Variants in PDE4B observed in about 807,000 individuals in gnomAD.
PDE4B encodes phosphodiesterase 4B, also known as 3',5'-cyclic-AMP phosphodiesterase 4B.
PDE4B carries 20 observed loss-of-function variants against 82.2 expected under a neutral mutation model. The ratio of observed to expected loss-of-function variants is 0.24; its 90% confidence interval spans 0.17 to 0.35. The LOEUF is 0.35. Among genes scored for constraint, PDE4B ranks in the 10% least tolerant of loss-of-function variants. The pLI, the probability that PDE4B is intolerant of heterozygous loss-of-function variation, is 1.00. For missense variants in PDE4B, 655 were observed against 907.2 expected, an observed-to-expected ratio of 0.72 and a Z score of 3.57; for synonymous variants, 320 against 318.9, an observed-to-expected ratio of 1.00 and a Z score of -0.04.
At chr1:66,009,905 TTATCTATCTATC>T (rs80200150) in intron 3 of PDE4B, among the ~76,000 whole-genome samples, 18 of 130,558 alleles carry the variant, frequency 1.4e-4, no homozygotes, top group South Asian at 8.1e-4. Context: ...ATCTGTATCT[TTATCTATCTATC>T]TATCTATCTA....
intron 7 of PDE4B, among the ~76,000 whole-genome samples, chr1:66,302,590 A>G (rs1657974665): frequency 6.6e-6 from 1 of 152,160 alleles, no homozygotes; most frequent in Non-Finnish European, 1.5e-5. Flanking sequence ...TTGAATTACT[A>G]CAAAGTCCTG....
At chr1:65,973,413 T>C (rs1367584348) in intron 3 of PDE4B, among the ~76,000 whole-genome samples, 1 of 152,138 alleles carries the variant, frequency 6.6e-6, no homozygotes, top group Non-Finnish European at 1.5e-5. Context: ...ACAGCTGGGT[T>C]TGAATAAAAC....
At chr1:66,189,214 G>T (rs1647497443) in intron 3 of PDE4B, among the ~76,000 whole-genome samples, 1 of 152,006 alleles carries the variant, frequency 6.6e-6, no homozygotes, top group African/African-American at 2.4e-5. Flanking sequence ...CTGTTAGTCT[G>T]ATGGTTTCCC....
chr1:65,956,547 C>A (rs919533351), intron 3 of PDE4B, among the ~76,000 whole-genome samples: 1 of 152,026 alleles, frequency 6.6e-6, no homozygotes, highest in Non-Finnish European at 1.5e-5. Context: ...ATATAGATTG[C>A]GGTTTCTTGA....
At chr1:66,182,692 A>G (rs1647095447) in intron 3 of PDE4B, among the ~76,000 whole-genome samples, 1 of 152,132 alleles carries the variant, frequency 6.6e-6, no homozygotes, top group African/African-American at 2.4e-5. Context: ...CCGCTGCTCC[A>G]ATTTTTCTGC....
intron 3 of PDE4B, among the ~76,000 whole-genome samples, chr1:66,046,765 A>G (rs1654738855): frequency 6.6e-6 from 1 of 151,868 alleles, no homozygotes; most frequent in Non-Finnish European, 1.5e-5. Context: ...ATGAGGAAAG[A>G]AATGTGTAAC....
At chr1:66,221,809 C>T (rs974558433) in intron 3 of PDE4B, among the ~76,000 whole-genome samples, 1 of 152,052 alleles carries the variant, frequency 6.6e-6, no homozygotes, top group African/African-American at 2.4e-5. Flanking sequence ...TTCTTTGTTC[C>T]CTTTGGCTAA....
chr1:66,101,804 T>C (rs1295300081), intron 3 of PDE4B, among the ~76,000 whole-genome samples: 1 of 152,180 alleles, frequency 6.6e-6, no homozygotes, highest in Non-Finnish European at 1.5e-5. Flanking sequence ...CTGATGGTAG[T>C]TTCTTTTGCT....
intron 3 of PDE4B, among the ~76,000 whole-genome samples, chr1:66,198,593 T>C (rs1252071393): frequency 6.6e-6 from 1 of 152,148 alleles, no homozygotes; most frequent in East Asian, 1.9e-4. Flanking sequence ...GCACTTCTCC[T>C]GTGTTTTTAT....
chr1:66,247,473 A>T lies in PDE4B; in HGVS notation c.295A>T (p.Asn99Tyr), dbSNP rs780775241. ...TTTCTCTTTAAGCTTTGATGTGGAA[A>T]ATGGCCCTTCCCCAGGTCGGAGTCC... is the stretch of plus-strand genomic sequence containing the variant. ...TVSQECFDVE[N>Y]GPSPGRSPLD... is the part of the protein sequence containing the mutation. Residue 99 changes from asparagine to tyrosine, a missense_variant, in exon 4 of 17, where the codon AAT (asparagine) becomes TAT (tyrosine). Transcript: ENST00000341517. The T allele has an allele frequency of 1.9e-6, 3 of 1,575,184 alleles. No individual in the cohort carries two copies. Among genetic ancestry groups the T allele is most frequent in the Non-Finnish European group, 2.6e-6 (3 of 1,162,902 alleles).
Position 65,959,708 on chromosome 1 carries a change from T to C in PDE4B, c.281+40873T>C, listed in dbSNP as rs554336098. 2.0e-5 allele frequency among the ~76,000 whole-genome samples: 3 copies of C among 152,232 alleles called. No individual in the cohort carries two copies. The South Asian group carries it at 6.2e-4, about 32-fold the overall frequency. The stretch of plus-strand genomic sequence containing the variant: ...TGGGTTGGCTAACTCACCCCTTAGT[T>C]CATGAGGGTCAGAAGAGGGTGCTGA... On this transcript the variant is annotated intron_variant, in intron 3 of 16. Transcript: ENST00000341517.
chr1:66,210,595 C>CAAAAAAAAAAAAAAAAAAAAAAAAAAA (rs35825766), intron 3 of PDE4B, among the ~76,000 whole-genome samples: 1 of 45,802 alleles, frequency 2.2e-5, no homozygotes, highest in Non-Finnish European at 4.1e-5. Flanking sequence ...GACTCCATCT[C>CAAAAAAAAAAAAAAAAAAAAAAAAAAA]AAAAAAAAAA....
chr1:65,809,118 G>A (rs1241678028), intron 1 of PDE4B, among the ~76,000 whole-genome samples: 2 of 151,826 alleles, frequency 1.3e-5, no homozygotes, highest in Admixed American at 6.6e-5. Flanking sequence ...ATCACTTGAG[G>A]TCAGGAGTTC....
chr1:65,956,725 T>C (rs1649279212), intron 3 of PDE4B, among the ~76,000 whole-genome samples: 1 of 152,148 alleles, frequency 6.6e-6, no homozygotes, highest in Admixed American at 6.6e-5. Context: ...TATGTATACC[T>C]GTCTCTTTTC....
chr1:65,875,199 A>G (rs559812789), intron 1 of PDE4B, among the ~76,000 whole-genome samples: 29 of 152,126 alleles, frequency 1.9e-4, no homozygotes, highest in Admixed American at 1.4e-3. Flanking sequence ...CACATGAAAA[A>G]ATGCTCATCA....
chr1:66,135,622 A>G (rs1042272801), intron 3 of PDE4B, among the ~76,000 whole-genome samples: 13 of 152,184 alleles, frequency 8.5e-5, no homozygotes, highest in Non-Finnish European at 1.8e-4. Flanking sequence ...GGGGTGCTCA[A>G]TTTGAGGGCT....
At chr1:66,139,749 AAAAC>A (rs1646134030) in intron 3 of PDE4B, among the ~76,000 whole-genome samples, 9 of 149,568 alleles carry the variant, frequency 6.0e-5, no homozygotes, top group South Asian at 2.1e-4. Flanking sequence ...AAAAAAAAAA[AAAAC>A]AAAAAACAAC....
At chr1:66,286,215 C>T (rs904029671) in intron 7 of PDE4B, among the ~76,000 whole-genome samples, 2 of 152,126 alleles carry the variant, frequency 1.3e-5, no homozygotes, top group Admixed American at 1.3e-4. Context: ...ATGGCCTACT[C>T]AGGGTTATAA....
chr1:66,108,707 G>A (rs973982303), intron 3 of PDE4B, among the ~76,000 whole-genome samples: 3 of 151,880 alleles, frequency 2.0e-5, no homozygotes, highest in Non-Finnish European at 4.4e-5. Context: ...TCAGGGAAAG[G>A]CACGTTCATT....
Sources: gnomAD v4.1 joint callset for allele counts (sites outside exome capture counted in the v4.1 genomes callset) on GRCh38, gnomAD v4.1.1 for gene constraint, MANE v1.5 for transcripts, NCBI Gene and HGNC (gene_info 2026-07-23, HGNC 2026-07-21) for gene names.